Variants in KCTD1 observed in about 807,000 individuals in gnomAD.
KCTD1 encodes potassium channel tetramerization domain containing 1.
In KCTD1, 24 loss-of-function variants were observed where a neutral mutation model predicts 66.0. The observed-to-expected ratio is 0.36, with a 90% CI of 0.26 to 0.51. The LOEUF (loss-of-function observed/expected upper bound fraction) is 0.51, where lower values mean the gene tolerates loss of function less well. Ranked by LOEUF, KCTD1 falls within the 20% of genes least tolerant of loss-of-function variation. The probability of loss-of-function intolerance (pLI) is 0.95; values close to 1 mark genes in which losing one functional copy is unlikely to be tolerated. For synonymous variants in KCTD1, 511 were observed against 517.2 expected, an observed-to-expected ratio of 0.99 and a Z score of 0.16; for missense variants, 943 against 1,205.2, an observed-to-expected ratio of 0.78 and a Z score of 3.22.
At chr18:26,467,842 TA>T (rs1980831689) in intron 3 of KCTD1, among the ~76,000 whole-genome samples, 1 of 151,950 alleles carries the variant, frequency 6.6e-6, no homozygotes, top group Non-Finnish European at 1.5e-5. Flanking sequence ...TTAAATTAAT[TA>T]AAAAAATACC....
intron 1 of KCTD1, among the ~76,000 whole-genome samples, chr18:26,654,846 A>G (rs1184834132): frequency 6.6e-6 from 1 of 152,192 alleles, no homozygotes; most frequent in Non-Finnish European, 1.5e-5. Context: ...ACTGCTCACA[A>G]TTCTTTCCAT....
rs540211025 is a variant in KCTD1 at position 26,546,862 on chromosome 18, G to A, written c.1675C>T (p.Pro559Ser). The A allele has an allele frequency of 3.3e-6, 5 of 1,506,200 alleles. No homozygotes were observed. Among genetic ancestry groups the A allele is most frequent in the Middle Eastern group, 1.7e-4 (1 of 5,728 alleles). 93.3% of individuals were successfully genotyped at this position (1,506,200 alleles called of 1,614,324 possible). ...ACCACCGCATCCACAGGCTCCGAGG[G>A]GCGGATACAAAGTCTTTTGGGGGAA... is the stretch of plus-strand genomic sequence containing the variant. ...PTSPKRLCIR[P>S]SEPVDAVVVV... The change falls in exon 1 of 5, where the codon CCC becomes TCC. Residue 559 changes from proline (P) to serine (S), a missense_variant. Pro to Ser is a moderately conservative substitution (Grantham distance 74). Transcript: ENST00000580059.
At chr18:26,615,182 C>T (rs2145002038) in intron 1 of KCTD1, among the ~76,000 whole-genome samples, 1 of 152,264 alleles carries the variant, frequency 6.6e-6, no homozygotes, top group East Asian at 1.9e-4. Flanking sequence ...GCCCCCCATC[C>T]CTTCCCACCC....
chr18:26,641,106 G>A (rs1028882717), upstream of KCTD1, among the ~76,000 whole-genome samples: 2 of 152,134 alleles, frequency 1.3e-5, no homozygotes, highest in Admixed American at 6.5e-5. Context: ...TCCCAGCCTG[G>A]CTTGCTGTGT....
chr18:26,625,384 G>A (rs1324022417), intron 1 of KCTD1, among the ~76,000 whole-genome samples: 1 of 152,110 alleles, frequency 6.6e-6, no homozygotes, highest in Non-Finnish European at 1.5e-5. Flanking sequence ...GGACCCAGTG[G>A]GAGATAAATG....
chr18:26,632,318 A>G (rs569080054), upstream of KCTD1, among the ~76,000 whole-genome samples: 9 of 151,144 alleles, frequency 6.0e-5, no homozygotes, highest in South Asian at 1.7e-3. Flanking sequence ...CCTAGGAGGC[A>G]GAGGTTACAG....
At chr18:26,471,190 A>G (rs757476398) in intron 3 of KCTD1, among the ~76,000 whole-genome samples, 11 of 152,140 alleles carry the variant, frequency 7.2e-5, no homozygotes, top group Non-Finnish European at 1.3e-4. Context: ...CTTAAGAGAT[A>G]CATGACCCTA....
At chr18:26,589,078 T>C (rs1986537559) in intron 1 of KCTD1, among the ~76,000 whole-genome samples, 1 of 152,012 alleles carries the variant, frequency 6.6e-6, no homozygotes, top group Non-Finnish European at 1.5e-5. Context: ...GTAGGGGGAA[T>C]GGAGGATATG....
intron 1 of KCTD1, among the ~76,000 whole-genome samples, chr18:26,606,071 G>A (rs1390001542): frequency 6.6e-5 from 10 of 152,148 alleles, no homozygotes; most frequent in Non-Finnish European, 1.2e-4. Context: ...GTCATAGGTA[G>A]ATTTAAAAAT....
chr18:26,637,478 A>G (rs1355727200), intron 1 of KCTD1, among the ~76,000 whole-genome samples: 1 of 152,200 alleles, frequency 6.6e-6, no homozygotes, highest in Non-Finnish European at 1.5e-5. Context: ...GAAATGTGTT[A>G]AGGCTTCTAT....
At chr18:26,493,103 G>C (rs1982291186) in intron 2 of KCTD1, among the ~76,000 whole-genome samples, 1 of 152,206 alleles carries the variant, frequency 6.6e-6, no homozygotes, top group African/African-American at 2.4e-5. Flanking sequence ...TCCCTTCCAG[G>C]GAGAGGGTTT....
At position 26,547,171 on chromosome 18, in the gene KCTD1, C is replaced by T; in HGVS notation, c.1366G>A (p.Val456Ile). 1 of 1,551,156 alleles carries T rather than the reference C, an allele frequency of 6.4e-7. No individual in the cohort carries two copies. The highest frequency in any genetic ancestry group is 8.7e-7 in the Non-Finnish European group (1 of 1,146,986). The change falls in exon 1 of 5, where the codon GTC (valine) becomes ATC (isoleucine). Residue 456 changes from valine (V) to isoleucine (I), a missense_variant. Physicochemically the swap from Val to Ile is conservative, Grantham distance 29 (BLOSUM62 3). Around this residue, in one of 10 missense-constraint regions of KCTD1, gnomAD observed 79 missense variants for 133.9 expected, o/e 0.59. Coordinates refer to ENST00000580059, the MANE Select transcript of KCTD1 (RefSeq NM_001142730.3). ...KTYTNHCIGAVSIATLNSIAG... is the reference protein window; with the variant it reads ...KTYTNHCIGAISIATLNSIAG... ...ATGCTGTTGAGCGTGGCGATGGAGACGGCGCCGATGCAGTGGTTGGTGTAG... is the reference window on the plus strand; with the variant it reads ...ATGCTGTTGAGCGTGGCGATGGAGATGGCGCCGATGCAGTGGTTGGTGTAG...
intron 2 of KCTD1, among the ~76,000 whole-genome samples, chr18:26,488,219 T>C (rs1278251060): frequency 2.0e-5 from 3 of 152,146 alleles, no homozygotes; most frequent in Non-Finnish European, 2.9e-5. Flanking sequence ...CTAGGTTTCC[T>C]TGGTTGATAC....
intron 2 of KCTD1, among the ~76,000 whole-genome samples, chr18:26,500,700 C>T (rs1275575374): frequency 6.6e-6 from 1 of 152,008 alleles, no homozygotes; most frequent in Non-Finnish European, 1.5e-5. Context: ...CAACTGATCT[C>T]CTATAAAATT....
chr18:26,500,326 G>A (rs1178158685), intron 2 of KCTD1, among the ~76,000 whole-genome samples: 1 of 151,504 alleles, frequency 6.6e-6, no homozygotes, highest in Non-Finnish European at 1.5e-5. Flanking sequence ...AGGCTGAGGT[G>A]GAAGGGTCAC....
intron 1 of KCTD1, among the ~76,000 whole-genome samples, chr18:26,524,780 A>C (rs1185293868): frequency 6.6e-6 from 1 of 152,058 alleles, no homozygotes; most frequent in Non-Finnish European, 1.5e-5. Context: ...AGGCAGAGTC[A>C]TTTTTCATGG....
chr18:26,556,520 T>C (rs1985711432), intron 1 of KCTD1, among the ~76,000 whole-genome samples: 1 of 152,210 alleles, frequency 6.6e-6, no homozygotes. Flanking sequence ...AAAACAAAAA[T>C]GTGGTTTATC....
chr18:26,561,394 T>C (rs1164459896), intron 1 of KCTD1, among the ~76,000 whole-genome samples: 1 of 152,226 alleles, frequency 6.6e-6, no homozygotes, highest in African/African-American at 2.4e-5. Flanking sequence ...GGTCCGTCCA[T>C]GTGCTGTCAT....
chr18:26,551,835 T>C (rs1187268655), upstream of KCTD1, among the ~76,000 whole-genome samples: 1 of 152,218 alleles, frequency 6.6e-6, no homozygotes, highest in African/African-American at 2.4e-5. Flanking sequence ...GCAATATTGG[T>C]TGTCGTTCTG....
Sources: allele counts gnomAD v4.1 joint callset (sites outside exome capture counted in the v4.1 genomes callset), GRCh38; gene constraint gnomAD v4.1.1; regional missense constraint gnomAD v4.1.1; transcripts MANE v1.5; gene names NCBI Gene and HGNC (gene_info 2026-07-23, HGNC 2026-07-21).